The following CDH12 variants were observed in gnomAD, a reference collection of about 807,000 sequenced individuals.
The protein encoded by CDH12 is cadherin 12.
A neutral mutation model predicts 74.1 loss-of-function variants in CDH12; 41 were observed. The observed-to-expected ratio is 0.55, with a 90% confidence interval of 0.43 to 0.72. The LOEUF (loss-of-function observed/expected upper bound fraction) is 0.72, where lower values mean the gene tolerates loss of function less well. Ranked by LOEUF, CDH12 falls within the 30% of genes least tolerant of loss-of-function variation. The pLI is 0.00. For missense variants in CDH12, 945 were observed against 977.2 expected (o/e 0.97, Z 0.44); for synonymous variants, 399 against 355.0 (o/e 1.12, Z -1.39).
intron 3 of CDH12, among the ~76,000 whole-genome samples, chr5:22,219,170 T>A (rs1236030457): frequency 6.6e-6 from 1 of 151,746 alleles, no homozygotes. Context: ...ATCTTCAGCA[T>A]CTATGACACC....
At chr5:22,831,371 C>CTGTGTGTGTGTGTGTGTG (rs70959760) in intron 1 of CDH12, among the ~76,000 whole-genome samples, 55 of 146,750 alleles carry the variant, frequency 3.7e-4, no homozygotes, top group African/African-American at 1.3e-3. Flanking sequence ...GTGTGTGTGT[C>CTGTGTGTGTGTGTGTGTG]TGTGTGTGTG....
intron 3 of CDH12, among the ~76,000 whole-genome samples, chr5:22,386,617 A>T (rs1172454252): frequency 6.6e-6 from 1 of 152,096 alleles, no homozygotes; most frequent in Non-Finnish European, 1.5e-5. Flanking sequence ...GTTTCCTGCT[A>T]TCTAGAGTTC....
chr5:22,454,384 A>G (rs547304219), intron 2 of CDH12, among the ~76,000 whole-genome samples: 174 of 152,350 alleles, frequency 1.1e-3, no homozygotes, highest in Non-Finnish European at 2.0e-3. Context: ...CACAAAGAGA[A>G]GAAACAGTCT....
At chr5:21,925,490 T>C (rs1288563776) in intron 6 of CDH12, among the ~76,000 whole-genome samples, 1 of 152,242 alleles carries the variant, frequency 6.6e-6, no homozygotes, top group Non-Finnish European at 1.5e-5. Flanking sequence ...GAATGTTTCT[T>C]TGATAATGTG....
chr5:22,459,998 A>T (rs1300074387), intron 2 of CDH12, among the ~76,000 whole-genome samples: 1 of 152,068 alleles, frequency 6.6e-6, no homozygotes, highest in Non-Finnish European at 1.5e-5. Flanking sequence ...ATAAGAAATC[A>T]CTATCTAATT....
intron 2 of CDH12, among the ~76,000 whole-genome samples, chr5:22,452,715 G>A (rs572502630): frequency 6.6e-6 from 1 of 151,600 alleles, no homozygotes; most frequent in African/African-American, 2.4e-5. Context: ...AGCAAAAATA[G>A]GCAAATGGGA....
intron 6 of CDH12, among the ~76,000 whole-genome samples, chr5:21,929,447 T>C (rs373425449): frequency 4.6e-5 from 7 of 151,810 alleles, no homozygotes; most frequent in South Asian, 2.1e-4. Context: ...ATCCCTGGCA[T>C]GCTCAGTCCA....
intron 3 of CDH12, among the ~76,000 whole-genome samples, chr5:22,269,169 T>C (rs911470012): frequency 2.9e-4 from 44 of 152,198 alleles, no homozygotes; most frequent in Non-Finnish European, 6.3e-4. Context: ...ACAAAGAATA[T>C]GTGTTCAATA....
At chr5:22,004,253 A>C (rs1262366685) in intron 5 of CDH12, among the ~76,000 whole-genome samples, 1 of 152,122 alleles carries the variant, frequency 6.6e-6, no homozygotes, top group Non-Finnish European at 1.5e-5. Flanking sequence ...TTCCTTCCTC[A>C]TGCTGTTTTT....
At chr5:22,184,317 C>T (rs553698107) in intron 4 of CDH12, among the ~76,000 whole-genome samples, 6 of 152,170 alleles carry the variant, frequency 3.9e-5, no homozygotes, top group Admixed American at 3.9e-4. Flanking sequence ...GTTTTTGAAA[C>T]TAAAAATAGT....
At chr5:21,999,659 G>A (rs1237255905) in intron 5 of CDH12, among the ~76,000 whole-genome samples, 6 of 151,638 alleles carry the variant, frequency 4.0e-5, no homozygotes, top group East Asian at 1.9e-4. Flanking sequence ...GTACAGGTGC[G>A]CATCTGCAAT....
intron 5 of CDH12, among the ~76,000 whole-genome samples, chr5:21,985,022 C>T (rs898250979): frequency 2.6e-5 from 4 of 151,838 alleles, no homozygotes; most frequent in African/African-American, 4.8e-5. Flanking sequence ...ATATTCAATA[C>T]CCCCACTTCT....
At chr5:22,148,007 C>T (rs140951018) in intron 4 of CDH12, among the ~76,000 whole-genome samples, 3,673 of 152,254 alleles carry the variant, frequency 0.024, 158 homozygotes, top group African/African-American at 0.085. Context: ...CAGTGGTTTC[C>T]ATCCTAAAGT....
chr5:22,197,019 C>T (rs1002617672), intron 4 of CDH12, among the ~76,000 whole-genome samples: 1 of 152,022 alleles, frequency 6.6e-6, no homozygotes, highest in Non-Finnish European at 1.5e-5. Flanking sequence ...TACAAGTTTA[C>T]CTACATAAAC....
intron 3 of CDH12, among the ~76,000 whole-genome samples, chr5:22,383,209 A>T (rs1741846870): frequency 6.6e-6 from 1 of 152,192 alleles, no homozygotes; most frequent in African/African-American, 2.4e-5. Flanking sequence ...TGAATAAGAG[A>T]GTTCCTCTCA....
At chr5:22,487,757 C>A (rs1262729374) in intron 2 of CDH12, among the ~76,000 whole-genome samples, 1 of 152,168 alleles carries the variant, frequency 6.6e-6, no homozygotes, top group African/African-American at 2.4e-5. Flanking sequence ...AAACCTACCA[C>A]CTGCATGTGT....
intron 2 of CDH12, among the ~76,000 whole-genome samples, chr5:22,445,987 C>T (rs1292561170): frequency 6.6e-6 from 1 of 152,090 alleles, no homozygotes; most frequent in Non-Finnish European, 1.5e-5. Flanking sequence ...CTCTTCGCCT[C>T]CCTCAAATGA....
intron 5 of CDH12, among the ~76,000 whole-genome samples, chr5:22,067,009 A>G (rs1171675725): frequency 1.3e-5 from 2 of 152,176 alleles, no homozygotes. Context: ...ATGTTGGTAA[A>G]GACCACCATT....
In CDH12 at chr5:22,716,333, C is replaced by T. The variant is rs1230010654; in HGVS notation, c.-523+136725G>A. Among the ~76,000 whole-genome samples the T allele has an allele frequency of 3.3e-5, 5 of 151,952 alleles. No homozygotes were observed. In the East Asian group the frequency reaches 9.7e-4, roughly 29 times the overall value. On this transcript the variant is annotated intron_variant, in intron 1 of 14. Coordinates refer to ENST00000382254, the MANE Select transcript of CDH12 (RefSeq NM_004061.5). ...CTGGATATTTCCATTAACACTGAGGCACATACGATGGTGTGGTCCCATGAG... is the reference window on the plus strand; with the variant it reads ...CTGGATATTTCCATTAACACTGAGGTACATACGATGGTGTGGTCCCATGAG...
Sources: gnomAD v4.1 joint callset for allele counts (sites outside exome capture counted in the v4.1 genomes callset) on GRCh38, gnomAD v4.1.1 for gene constraint, MANE v1.5 for transcripts, NCBI Gene and HGNC (gene_info 2026-07-23, HGNC 2026-07-21) for gene names.